Variants in HBS1L observed in about 807,000 individuals in gnomAD.
HBS1L encodes HBS1 like translational GTPase, also known as HBS1-like protein.
Under a neutral mutation model 88.9 loss-of-function variants are expected in HBS1L, and 55 were observed. The observed-to-expected ratio is 0.62, with a 90% CI of 0.50 to 0.77. The LOEUF is 0.77. Among genes scored for constraint, HBS1L ranks in the 30% least tolerant of loss-of-function variants. The pLI is 0.00. For missense variants in HBS1L, 741 were observed against 829.3 expected (o/e 0.89, Z 1.31); for synonymous variants, 267 against 288.5 (o/e 0.93, Z 0.76).
intron 1 of HBS1L, 75 bp downstream of exon 1, chr6:135,054,574 T>C: frequency 6.5e-7 from 1 of 1,539,012 alleles, no homozygotes; most frequent in Non-Finnish European, 9.0e-7. Context: ...ACTCACAGAT[T>C]GAAGTGGATG....
chr6:135,003,030 A>T (rs1775510118), intron 4 of HBS1L, among the ~76,000 whole-genome samples, 188 bp from the exon 5 acceptor site: 1 of 152,188 alleles, frequency 6.6e-6, no homozygotes, highest in South Asian at 2.1e-4. Flanking sequence ...TTAATCTAGG[A>T]AATCCCCTAT....
chr6:135,002,718 G>T lies in HBS1L; in HGVS notation c.539+16C>A. 2 of 1,434,474 alleles carry T rather than the reference G, an allele frequency of 1.4e-6. No individual in the cohort carries two copies. Among genetic ancestry groups the T allele is most frequent in the Non-Finnish European group, 2.0e-6 (2 of 1,022,756 alleles). 88.9% of individuals were successfully genotyped at this position (1,434,474 alleles called of 1,614,324 possible). Reference sequence around the variant, plus strand: ...GGGGGTGGGGGTGGGGATGAGGGAGGTACTCAAAGTCTTACCCAGGCACTT... The same window carrying T: ...GGGGGTGGGGGTGGGGATGAGGGAGTTACTCAAAGTCTTACCCAGGCACTT... On this transcript the variant is annotated intron_variant, in intron 5 of 17. Transcript: ENST00000367837.
At chr6:134,989,631 C>T (rs1272811406) in intron 8 of HBS1L, among the ~76,000 whole-genome samples, 1 of 152,176 alleles carries the variant, frequency 6.6e-6, no homozygotes, top group East Asian at 1.9e-4. Flanking sequence ...TACAACAGAA[C>T]ATTACGATTT....
intron 4 of HBS1L, among the ~76,000 whole-genome samples, chr6:135,021,908 C>G (rs967166372): frequency 6.6e-6 from 1 of 152,098 alleles, no homozygotes; most frequent in Non-Finnish European, 1.5e-5. Context: ...ACCTTCCTAT[C>G]CCCCCTTGAG....
intron 4 of HBS1L, among the ~76,000 whole-genome samples, chr6:135,024,884 T>A (rs1776182482): frequency 6.6e-6 from 1 of 152,092 alleles, no homozygotes; most frequent in South Asian, 2.1e-4. Flanking sequence ...TTGCTCTGAA[T>A]TGGGGGAAAA....
chr6:135,026,882 A>C (rs898977299), intron 4 of HBS1L: 2 of 151,632 alleles, frequency 1.3e-5, no homozygotes, highest in African/African-American at 4.8e-5. Context: ...AATCCAAAAA[A>C]AAAAACAGAT....
intron 7 of HBS1L, among the ~76,000 whole-genome samples, 170 bp downstream of exon 7, chr6:134,996,607 G>A (rs1775294539): frequency 6.6e-6 from 1 of 152,094 alleles, no homozygotes; most frequent in South Asian, 2.1e-4. Context: ...AGTAAAAACA[G>A]TATGCAGATT....
intron 4 of HBS1L, among the ~76,000 whole-genome samples, chr6:135,026,328 G>A (rs945501463): frequency 6.6e-6 from 1 of 152,024 alleles, no homozygotes; most frequent in Non-Finnish European, 1.5e-5. Flanking sequence ...TTAACAGTGA[G>A]AGATCAATAT....
rs550361653 is a variant in HBS1L at position 134,960,551 on chromosome 6, C to T, written c.*4728G>A. ...TGGTACAGTTTTATTGTGCATTATA[C>T]TTGTTATTAATATGAAATTCTCTTA... On this transcript the variant is annotated 3_prime_UTR_variant, in exon 18 of 18. Transcript: ENST00000367837. The T allele has an allele frequency of 6.6e-6, 1 of 151,966 alleles. No individual in the cohort carries two copies. The highest frequency in any genetic ancestry group is 2.4e-5 in the African/African-American group (1 of 41,382). The allele number at this position is 151,966 out of a possible 1,614,324, so 9.4% of individuals were successfully genotyped here. A position where few individuals can be genotyped will look rare whatever the true frequency, so the allele number is the denominator to read the frequency against.
Position 135,002,734 on chromosome 6 carries a change from C to G in HBS1L, c.539G>C (p.Gly180Ala), listed in dbSNP as rs1302275365. 6.3e-7 allele frequency: 1 copy of G among 1,599,020 alleles called. No individual in the cohort carries two copies. The highest frequency in any genetic ancestry group is 8.6e-7 in the Non-Finnish European group (1 of 1,166,788). ...ATGAGGGAGGTACTCAAAGTCTTAC[C>G]CAGGCACTTCAAATCCCATAGTTTG... Reference protein sequence around the residue: ...KKQTMGFEVPGVSSEENGHSF... With the variant: ...KKQTMGFEVPAVSSEENGHSF... Residue 180 changes from glycine (G) to alanine (A), a missense_variant and splice_region_variant, in exon 5 of 18, where the codon GGA becomes GCA. Around this residue, in one of 3 missense-constraint regions of HBS1L, gnomAD observed 556 missense variants for 598.4 expected, o/e 0.93. Transcript: ENST00000367837.
intron 4 of HBS1L, among the ~76,000 whole-genome samples, chr6:135,028,972 A>G (rs145145684): frequency 6.6e-5 from 10 of 152,206 alleles, no homozygotes; most frequent in African/African-American, 2.4e-4. Flanking sequence ...GAAAAAAATA[A>G]GACAGCCTAC....
At chr6:135,037,616 T>C (rs1776597258) in intron 4 of HBS1L, 2 of 1,548,048 alleles carry the variant, frequency 1.3e-6, no homozygotes, top group East Asian at 2.4e-5. Flanking sequence ...AAATCTGGTA[T>C]TTCTTTGAAT....
chr6:135,024,475 A>G (rs563138535), intron 4 of HBS1L, among the ~76,000 whole-genome samples: 1 of 149,282 alleles, frequency 6.7e-6, no homozygotes, highest in East Asian at 1.9e-4. Flanking sequence ...CAAAACAAGA[A>G]TGATGTATGA....
At chr6:134,986,503 A>C (rs1010779436) in intron 10 of HBS1L, among the ~76,000 whole-genome samples, 1 of 152,118 alleles carries the variant, frequency 6.6e-6, no homozygotes, top group Non-Finnish European at 1.5e-5. Context: ...CTAATTTAAT[A>C]GGTAGGGTAA....
chr6:135,044,045 G>T (rs1479838067), intron 2 of HBS1L, among the ~76,000 whole-genome samples: 1 of 152,076 alleles, frequency 6.6e-6, no homozygotes, highest in African/African-American at 2.4e-5. Flanking sequence ...GCTCAGTTTG[G>T]ACATGTGCCC....
At chr6:135,035,478 C>T (rs796151164) in intron 4 of HBS1L, among the ~76,000 whole-genome samples, 4 of 150,748 alleles carry the variant, frequency 2.7e-5, no homozygotes, top group African/African-American at 9.8e-5. Context: ...CAGTGGCTCA[C>T]GCCTGTAATC....
At chr6:135,050,019 C>A (rs1434678081) in intron 2 of HBS1L, among the ~76,000 whole-genome samples, 2 of 152,204 alleles carry the variant, frequency 1.3e-5, no homozygotes, top group African/African-American at 4.8e-5. Flanking sequence ...TCAATGTTCT[C>A]CTTATATGGT....
chr6:135,032,421 T>C (rs1776414736), intron 4 of HBS1L, among the ~76,000 whole-genome samples: 1 of 152,140 alleles, frequency 6.6e-6, no homozygotes, highest in Non-Finnish European at 1.5e-5. Context: ...TATAAATATA[T>C]AGGTAAAGGA....
rs1775620225 is a variant in HBS1L at position 135,006,595 on chromosome 6, A to G, written c.431-3753T>C. Among the ~76,000 whole-genome samples, 3 of 152,166 alleles carry G rather than the reference A, an allele frequency of 2.0e-5. No individual in the cohort carries two copies. In the South Asian group the frequency reaches 6.2e-4, roughly 32 times the overall value. On this transcript the variant is annotated intron_variant, in intron 4 of 17. Coordinates refer to ENST00000367837, the MANE Select transcript of HBS1L (RefSeq NM_006620.4). ...TGATGAAAGAATAATGATGGAAAGG[A>G]AGGACAGAGCCTCAGGTTTAAGAGG...
Sources: gnomAD v4.1 joint callset for allele counts (sites outside exome capture counted in the v4.1 genomes callset) on GRCh38, gnomAD v4.1.1 for gene constraint, gnomAD v4.1.1 regional missense constraint, MANE v1.5 for transcripts, NCBI Gene and HGNC (gene_info 2026-07-23, HGNC 2026-07-21) for gene names.